The following MECOM variants were observed in gnomAD, a reference collection of about 807,000 sequenced individuals.
The protein encoded by MECOM is histone-lysine N-methyltransferase MECOM.
A neutral mutation model predicts 116.3 loss-of-function variants in MECOM; 13 were observed. The observed-to-expected ratio is 0.11, with a 90% CI of 0.07 to 0.18. The LOEUF (loss-of-function observed/expected upper bound fraction) is 0.18, where lower values mean the gene tolerates loss of function less well. MECOM is among the 10% of genes least tolerant of loss of function. MECOM has a pLI of 1.00. For missense variants in MECOM, 1,299 were observed against 1,509.0 expected, an observed-to-expected ratio of 0.86 and a Z score of 2.31; for synonymous variants, 528 against 535.2, an observed-to-expected ratio of 0.99 and a Z score of 0.19.
intron 1 of MECOM, among the ~76,000 whole-genome samples, chr3:169,430,281 T>C (rs1741399156): frequency 2.0e-5 from 3 of 152,192 alleles, no homozygotes; most frequent in African/African-American, 7.2e-5. Context: ...CTGCATCCTA[T>C]GTTATATCAA....
intron 2 of MECOM, among the ~76,000 whole-genome samples, chr3:169,221,253 T>G (rs913128345): frequency 6.6e-6 from 1 of 152,222 alleles, no homozygotes; most frequent in African/African-American, 2.4e-5. Context: ...AGTATCATCA[T>G]CATCTTCTTC....
chr3:169,358,185 T>C (rs1248463423), intron 2 of MECOM, among the ~76,000 whole-genome samples: 1 of 151,750 alleles, frequency 6.6e-6, no homozygotes, highest in Non-Finnish European at 1.5e-5. Context: ...CTTGTAACTC[T>C]CTCAAGAGCT....
intron 2 of MECOM, among the ~76,000 whole-genome samples, chr3:169,304,420 G>A (rs1717308966): frequency 6.6e-6 from 1 of 152,116 alleles, no homozygotes; most frequent in Non-Finnish European, 1.5e-5. Context: ...TCTGGTTGGA[G>A]CCAATTGACA....
chr3:169,107,651 G>A lies in MECOM; in HGVS notation c.2604+275C>T, dbSNP rs143019498. ...AGCCTCGTTTAACAGCGTGTTCCCAGGTGTCCAGAAAGAGCTCCGTATCAA... is the reference window on the plus strand; with the variant it reads ...AGCCTCGTTTAACAGCGTGTTCCCAAGTGTCCAGAAAGAGCTCCGTATCAA... On this transcript the variant is annotated intron_variant, in intron 10 of 16. Transcript: ENST00000651503. Among the ~76,000 whole-genome samples the A allele has an allele frequency of 1.1e-3, 174 of 152,216 alleles. 1 individual carries two copies. Among genetic ancestry groups the A allele is most frequent in the African/African-American group, 4.0e-3 (167 of 41,532 alleles).
intron 3 of MECOM, 33 bp from the exon 4 acceptor site, chr3:169,131,564 G>A: frequency 6.5e-7 from 1 of 1,535,896 alleles, no homozygotes; most frequent in Non-Finnish European, 8.9e-7. Context: ...GATGGAATCA[G>A]GAAAGAGAGA....
At chr3:169,486,006 CTA>C (rs200665668) in intron 1 of MECOM, among the ~76,000 whole-genome samples, 51,190 of 107,252 alleles carry the variant, frequency 0.48, 12,520 homozygotes, top group South Asian at 0.59. Flanking sequence ...TATATATATA[CTA>C]TATATATATG....
intron 1 of MECOM, among the ~76,000 whole-genome samples, chr3:169,556,307 C>A (rs1242258744): frequency 6.6e-6 from 1 of 152,156 alleles, no homozygotes; most frequent in Non-Finnish European, 1.5e-5. Context: ...GGGCTCCCAC[C>A]AGTGGATGGT....
At chr3:169,542,853 A>G (rs1470274698) in intron 1 of MECOM, among the ~76,000 whole-genome samples, 1 of 152,194 alleles carries the variant, frequency 6.6e-6, no homozygotes, top group Non-Finnish European at 1.5e-5. Flanking sequence ...CAAATCTACT[A>G]TGTCTTTGGA....
intron 1 of MECOM, among the ~76,000 whole-genome samples, chr3:169,598,142 T>C (rs1356926546): frequency 6.6e-6 from 1 of 152,212 alleles, no homozygotes; most frequent in East Asian, 1.9e-4. Context: ...AGATTCATAA[T>C]AAGGGTACAA....
rs1018161601 is a variant in MECOM at position 169,638,167 on chromosome 3, G to C, written c.37+25169C>G. 2.0e-5 allele frequency among the ~76,000 whole-genome samples: 3 copies of C among 152,198 alleles called. No homozygotes were observed. In the East Asian group the frequency reaches 5.8e-4, roughly 29 times the overall value. On this transcript the variant is annotated intron_variant, in intron 1 of 16. Transcript: ENST00000651503. ...AACTGTATTTTTTCTCCATTGACTT[G>C]CCTACACACTCAGAGCACTTTAAAG...
intron 1 of MECOM, among the ~76,000 whole-genome samples, chr3:169,609,276 G>A (rs764445272): frequency 6.6e-6 from 1 of 152,100 alleles, no homozygotes; most frequent in Non-Finnish European, 1.5e-5. Context: ...CATGTGACTT[G>A]AGGGGCCTTT....
intron 5 of MECOM, among the ~76,000 whole-genome samples, chr3:169,123,163 GCTTAATACTCA>G (rs1731609702): frequency 6.6e-6 from 1 of 151,376 alleles, no homozygotes; most frequent in Admixed American, 6.6e-5. Context: ...TCACTTGTGA[GCTTAATACTCA>G]CTTAACTGAA....
At chr3:169,477,640 C>T (rs1750691659) in intron 1 of MECOM, among the ~76,000 whole-genome samples, 1 of 152,144 alleles carries the variant, frequency 6.6e-6, no homozygotes, top group Non-Finnish European at 1.5e-5. Context: ...TCCTGATATG[C>T]CCAAACACCT....
At chr3:169,113,371 C>T (rs1157341992) in intron 8 of MECOM, among the ~76,000 whole-genome samples, 1 of 151,426 alleles carries the variant, frequency 6.6e-6, no homozygotes, top group East Asian at 1.9e-4. Flanking sequence ...GAGGTTCTCT[C>T]TCTCTCAATA....
chr3:169,122,800 CA>C, intron 5 of MECOM, 73 bp from the exon 6 acceptor site: 1 of 1,513,666 alleles, frequency 6.6e-7, no homozygotes, highest in Non-Finnish European at 9.1e-7. Flanking sequence ...ATTGTTAATC[CA>C]ACTGGTAATT....
At chr3:169,212,803 C>CA (rs1750940140) in intron 2 of MECOM, among the ~76,000 whole-genome samples, 1 of 150,736 alleles carries the variant, frequency 6.6e-6, no homozygotes, top group Non-Finnish European at 1.5e-5. Context: ...TTATGTTATC[C>CA]AAATATGCCA....
Position 169,093,091 on chromosome 3 carries a change from A to C in MECOM, c.3031T>G (p.Ser1011Ala), listed in dbSNP as rs751214857. ...ENGNMSGTATSSPHSELESTG... is the reference protein window; with the variant it reads ...ENGNMSGTATASPHSELESTG... ...CTTTCCAGTTCAGAATGAGGCGACGATGTTGCTGTACCTGTGTGGAGCAGA... is the reference window on the plus strand; with the variant it reads ...CTTTCCAGTTCAGAATGAGGCGACGCTGTTGCTGTACCTGTGTGGAGCAGA... The change falls in exon 14 of 17, where the codon TCG (serine) becomes GCG (alanine). Residue 1011 changes from serine to alanine, a missense_variant. Ser to Ala is a moderately conservative substitution (Grantham distance 99). This residue lies in a region of MECOM where 273 missense variants were observed against 289.3 expected (regional missense o/e 0.94). Coordinates refer to ENST00000651503, the MANE Select transcript of MECOM (RefSeq NM_004991.4). 2 of 1,610,996 alleles carry C rather than the reference A, an allele frequency of 1.2e-6. No individual in the cohort carries two copies. The highest frequency in any genetic ancestry group is 8.5e-7 in the Non-Finnish European group (1 of 1,178,726).
rs780293564 is a variant in MECOM, at chr3:169,116,221, C to T, written c.1651G>A (p.Val551Ile). 1.2e-6 allele frequency: 2 copies of T among 1,614,154 alleles called. No homozygotes were observed. The highest frequency in any genetic ancestry group is 1.1e-5 in the South Asian group (1 of 91,078). ...ILKALSKHPSVGDNKPVELQP... is the reference protein window; with the variant it reads ...ILKALSKHPSIGDNKPVELQP... ...AGCTCCACTGGCTTATTGTCCCCTA[C>T]AGATGGGTGTTTAGATAGTGCCTTC... Residue 551 changes from valine to isoleucine, a missense_variant, in exon 8 of 17, where the codon GTA becomes ATA. Coordinates refer to ENST00000651503, the MANE Select transcript of MECOM (RefSeq NM_004991.4).
intron 1 of MECOM, among the ~76,000 whole-genome samples, chr3:169,532,074 C>A (rs1576747121): frequency 6.6e-6 from 1 of 152,178 alleles, no homozygotes; most frequent in East Asian, 1.9e-4. Context: ...ACATCACAAG[C>A]CTAGCTTGGA....
Sources: gnomAD v4.1 joint callset for allele counts (sites outside exome capture counted in the v4.1 genomes callset) on GRCh38, gnomAD v4.1.1 for gene constraint, gnomAD v4.1.1 regional missense constraint, MANE v1.5 for transcripts, NCBI Gene and HGNC (gene_info 2026-07-23, HGNC 2026-07-21) for gene names.